COL5A2: variants seen among roughly 807,000 people sequenced by gnomAD.
COL5A2 encodes collagen alpha-2(V) chain.
COL5A2 carries 23 observed loss-of-function variants against 208.2 expected under a neutral mutation model. The observed-to-expected ratio is 0.11, with a 90% CI of 0.08 to 0.16. COL5A2 has a LOEUF of 0.16. Among genes scored for constraint, COL5A2 ranks in the 10% least tolerant of loss-of-function variants. The pLI is 1.00. For missense variants in COL5A2, 1,590 were observed against 1,956.4 expected (o/e 0.81, Z 3.53); for synonymous variants, 625 against 628.5 (o/e 0.99, Z 0.08).
chr2:189,193,519 G>A (rs990745260), intron 1 of COL5A2, among the ~76,000 whole-genome samples: 1 of 152,120 alleles, frequency 6.6e-6, no homozygotes, highest in Non-Finnish European at 1.5e-5. Flanking sequence ...TTGATCCTAA[G>A]TCTTTGTTCT....
At chr2:189,101,749 C>T (rs575073092) in intron 3 of COL5A2, among the ~76,000 whole-genome samples, 3 of 151,814 alleles carry the variant, frequency 2.0e-5, no homozygotes, top group Non-Finnish European at 2.9e-5. Context: ...GTTGAAGCAG[C>T]GAATACTCTG....
At chr2:189,391,342 G>A in the COL5A2 span, among the ~76,000 whole-genome samples, 1 of 152,118 alleles carries the variant, frequency 6.6e-6, no homozygotes, top group African/African-American at 2.4e-5. Flanking sequence ...AGGCTGTATG[G>A]TAGTAGGAAT....
At chr2:189,405,059 A>C in the COL5A2 span, among the ~76,000 whole-genome samples, 1 of 152,150 alleles carries the variant, frequency 6.6e-6, no homozygotes, top group Non-Finnish European at 1.5e-5. Flanking sequence ...ATAAGAAGTA[A>C]ATCAGATAAT....
chr2:189,126,991 C>G (rs1281869406), intron 1 of COL5A2, among the ~76,000 whole-genome samples: 1 of 151,974 alleles, frequency 6.6e-6, no homozygotes, highest in East Asian at 1.9e-4. Flanking sequence ...AACCAAGGAA[C>G]TAAAGTGCAA....
intron 1 of COL5A2, among the ~76,000 whole-genome samples, chr2:189,147,053 C>A (rs1344769455): frequency 6.6e-6 from 1 of 152,130 alleles, no homozygotes. Context: ...ATTCCGGAAT[C>A]CAAAGAAATC....
At chr2:189,229,439 C>CA (rs1357727509), upstream of COL5A2, among the ~76,000 whole-genome samples, 27 of 49,346 alleles carry the variant, frequency 5.5e-4, no homozygotes, top group South Asian at 2.4e-3. Flanking sequence ...CATACACACA[C>CA]ACAAAAAAAA....
the COL5A2 span, among the ~76,000 whole-genome samples, chr2:189,372,293 A>T: frequency 9.9e-5 from 15 of 152,240 alleles, no homozygotes; most frequent in African/African-American, 3.6e-4. Flanking sequence ...TTACATTTAG[A>T]ATTCTCTAAG....
At chr2:189,078,334 A>G (rs1267514842) in intron 16 of COL5A2, among the ~76,000 whole-genome samples, 182 bp downstream of exon 16, 2 of 152,144 alleles carry the variant, frequency 1.3e-5, no homozygotes, top group East Asian at 3.9e-4. Context: ...AGGTTGTTCA[A>G]GAATTCTCTG....
At chr2:189,156,500 A>G (rs1688250127) in intron 1 of COL5A2, among the ~76,000 whole-genome samples, 1 of 152,120 alleles carries the variant, frequency 6.6e-6, no homozygotes, top group Non-Finnish European at 1.5e-5. Context: ...GAAAGTTTCA[A>G]TTATGCTCAG....
At chr2:189,063,309 T>C (rs943807256) in intron 26 of COL5A2, 39 bp from the exon 27 acceptor site, 2 of 1,550,296 alleles carry the variant, frequency 1.3e-6, no homozygotes, top group Non-Finnish European at 8.9e-7. Context: ...TTCATGTAAG[T>C]TGTTTCTAAA....
chr2:189,054,395 C>G (rs1033841989), intron 35 of COL5A2, among the ~76,000 whole-genome samples, 183 bp from the exon 36 acceptor site: 4 of 152,110 alleles, frequency 2.6e-5, no homozygotes, highest in African/African-American at 9.7e-5. Flanking sequence ...TAGTTTAATA[C>G]CATTTCCACC....
the COL5A2 span, among the ~76,000 whole-genome samples, chr2:189,231,159 C>T: frequency 6.7e-6 from 1 of 149,368 alleles, no homozygotes; most frequent in African/African-American, 2.4e-5. Flanking sequence ...ATGGTGGTTG[C>T]CAGGAGCTAG....
intron 1 of COL5A2, among the ~76,000 whole-genome samples, chr2:189,210,389 G>C (rs73034879): frequency 6.8e-6 from 1 of 147,898 alleles, no homozygotes; most frequent in Admixed American, 6.8e-5. Context: ...TCATATTTTC[G>C]TCTGTTTTCA....
chr2:189,344,506 C>A, the COL5A2 span, among the ~76,000 whole-genome samples: 1 of 152,132 alleles, frequency 6.6e-6, no homozygotes, highest in Non-Finnish European at 1.5e-5. Context: ...GGGAAGTATA[C>A]TGACACACAC....
In COL5A2 at chr2:189,098,747, G is replaced by A. The variant is rs1247714244; in HGVS notation, c.382C>T (p.Arg128Cys). The A allele has an allele frequency of 1.1e-5, 17 of 1,612,548 alleles. No homozygotes were observed. The highest frequency in any genetic ancestry group is 4.5e-5 in the East Asian group (2 of 44,830). Residue 128 changes from arginine to cysteine, a missense_variant, in exon 5 of 54, where the codon CGT (arginine) becomes TGT (cysteine). Transcript: ENST00000374866. Reference sequence around the variant, plus strand: ...CTTACTGCCGGTCCTGGACGACCACGTATGCCTGTTACCTAAACAATAAAC... The same window carrying A: ...CTTACTGCCGGTCCTGGACGACCACATATGCCTGTTACCTAAACAATAAAC... The part of the protein sequence containing the change: ...PGLVPVVTGI[R>C]GRPGPAGPPG...
chr2:189,090,165 T>C (rs1686753281), intron 7 of COL5A2, among the ~76,000 whole-genome samples: 1 of 152,100 alleles, frequency 6.6e-6, no homozygotes, highest in African/African-American at 2.4e-5. Flanking sequence ...AACACACAAA[T>C]AATAAGAAAG....
At chr2:189,211,513 A>C (rs1180325863) in intron 1 of COL5A2, among the ~76,000 whole-genome samples, 1 of 152,192 alleles carries the variant, frequency 6.6e-6, no homozygotes, top group Non-Finnish European at 1.5e-5. Flanking sequence ...TATATTAAGA[A>C]TAGTTCTTAT....
the COL5A2 span, among the ~76,000 whole-genome samples, chr2:189,380,038 A>T: frequency 6.6e-6 from 1 of 150,608 alleles, no homozygotes; most frequent in Non-Finnish European, 1.5e-5. Flanking sequence ...GAAATATTTT[A>T]TATATATATA....
intron 1 of COL5A2, among the ~76,000 whole-genome samples, chr2:189,150,586 C>T (rs1236535026): frequency 6.6e-6 from 1 of 152,068 alleles, no homozygotes; most frequent in Non-Finnish European, 1.5e-5. Flanking sequence ...ATAAAATCGA[C>T]CTAAATCAAG....
Sources: allele counts gnomAD v4.1 joint callset (sites outside exome capture counted in the v4.1 genomes callset), GRCh38; gene constraint gnomAD v4.1.1; transcripts MANE v1.5; gene names NCBI Gene and HGNC (gene_info 2026-07-23, HGNC 2026-07-21).